Variants in CTDSPL observed in about 807,000 individuals in gnomAD.
CTDSPL encodes CTD small phosphatase like.
Under a neutral mutation model 30.5 loss-of-function variants are expected in CTDSPL, and 8 were observed. The ratio of observed to expected loss-of-function variants is 0.26; its 90% CI spans 0.15 to 0.47. The LOEUF (loss-of-function observed/expected upper bound fraction) is 0.47, where lower values mean the gene tolerates loss of function less well. Ranked by LOEUF, CTDSPL falls within the 20% of genes least tolerant of loss-of-function variation. The pLI is 0.99. For missense variants in CTDSPL, 248 were observed against 366.1 expected (o/e 0.68, Z 2.63); for synonymous variants, 110 against 137.9 (o/e 0.80, Z 1.42).
At chr3:37,979,864 T>C (rs1253348717) in intron 7 of CTDSPL, among the ~76,000 whole-genome samples, 1 of 152,248 alleles carries the variant, frequency 6.6e-6, no homozygotes, top group Non-Finnish European at 1.5e-5. Context: ...GGTTTAATTG[T>C]ATTTTAATTA....
chr3:37,888,303 T>G (rs758057867), intron 1 of CTDSPL, among the ~76,000 whole-genome samples: 5 of 152,330 alleles, frequency 3.3e-5, no homozygotes, highest in South Asian at 4.1e-4. Context: ...TGCATCAGTC[T>G]CTAAGGTGAC....
chr3:37,870,137 T>C (rs73056951), intron 1 of CTDSPL, among the ~76,000 whole-genome samples: 6,205 of 152,010 alleles, frequency 0.041, 171 homozygotes, highest in Middle Eastern at 0.058. Context: ...TTGTGTAGAA[T>C]TGGTGTGAAT....
chr3:37,969,842 C>T (rs1333572051), intron 5 of CTDSPL, among the ~76,000 whole-genome samples: 2 of 152,208 alleles, frequency 1.3e-5, no homozygotes, highest in East Asian at 1.9e-4. Context: ...ATGAATTTCC[C>T]ACTGAGTCCT....
At chr3:37,933,807 T>G (rs1698883596) in intron 1 of CTDSPL, among the ~76,000 whole-genome samples, 1 of 152,246 alleles carries the variant, frequency 6.6e-6, no homozygotes, top group Non-Finnish European at 1.5e-5. Flanking sequence ...TGGAGCTGCA[T>G]CCTTCTTTTT....
chr3:37,980,724 C>CCA lies in CTDSPL; in HGVS notation c.706-17_706-16dup. 1 of 1,614,090 alleles carries CCA rather than the reference C, an allele frequency of 6.2e-7. No individual in the cohort carries two copies. The highest frequency in any genetic ancestry group is 8.5e-7 in the Non-Finnish European group (1 of 1,179,972). On this transcript the variant is annotated splice_polypyrimidine_tract_variant and intron_variant, in intron 7 of 7. Coordinates refer to ENST00000273179, the MANE Select transcript of CTDSPL (RefSeq NM_001008392.2). ...GCTAGATGCAGTCCTGCTGCCTCCT[C>CCA]CATGCACTGTCTTCCAGGTGCCTGT...
chr3:37,886,846 A>T (rs1363551661), intron 1 of CTDSPL, among the ~76,000 whole-genome samples: 1 of 152,142 alleles, frequency 6.6e-6, no homozygotes, highest in Admixed American at 6.5e-5. Context: ...ATAGGGGGAA[A>T]CTCTGATGTG....
At chr3:37,965,540 T>C (rs914143421) in intron 4 of CTDSPL, among the ~76,000 whole-genome samples, 2 of 152,222 alleles carry the variant, frequency 1.3e-5, no homozygotes, top group Non-Finnish European at 2.9e-5. Context: ...GTAATGGGAC[T>C]GCTCTATCAT....
At chr3:37,915,273 G>T (rs376304584) in intron 1 of CTDSPL, among the ~76,000 whole-genome samples, 1 of 152,052 alleles carries the variant, frequency 6.6e-6, no homozygotes, top group Non-Finnish European at 1.5e-5. Context: ...AGTTTACTAT[G>T]ATTTGCTTAG....
intron 7 of CTDSPL, 139 bp downstream of exon 7, chr3:37,976,033 T>C: frequency 2.2e-6 from 2 of 890,304 alleles, no homozygotes; most frequent in Non-Finnish European, 3.3e-6. Context: ...CATTTAGCAG[T>C]TGCGTGTCAT....
chr3:37,890,795 C>A (rs1032797933), intron 1 of CTDSPL, among the ~76,000 whole-genome samples: 8 of 152,112 alleles, frequency 5.3e-5, no homozygotes, highest in African/African-American at 1.9e-4. Context: ...TACCAAGTTT[C>A]AGATGAGGTT....
chr3:37,945,506 G>C (rs939704183), intron 1 of CTDSPL, among the ~76,000 whole-genome samples: 1 of 152,222 alleles, frequency 6.6e-6, no homozygotes, highest in Admixed American at 6.5e-5. Flanking sequence ...GGACCTACAG[G>C]GTTGGCCCTT....
At chr3:37,918,994 T>C (rs1315295820) in intron 1 of CTDSPL, among the ~76,000 whole-genome samples, 2 of 152,124 alleles carry the variant, frequency 1.3e-5, no homozygotes, top group Non-Finnish European at 2.9e-5. Context: ...TTATATGTAA[T>C]ATAATAAATA....
chr3:37,896,280 A>G (rs913743299), intron 1 of CTDSPL, among the ~76,000 whole-genome samples: 40 of 152,150 alleles, frequency 2.6e-4, no homozygotes, highest in African/African-American at 9.4e-4. Context: ...ATAAGCGCAT[A>G]TTAGGTTTGA....
chr3:37,941,237 C>T (rs1356626990), intron 1 of CTDSPL, among the ~76,000 whole-genome samples: 1 of 149,912 alleles, frequency 6.7e-6, no homozygotes, highest in Non-Finnish European at 1.5e-5. Context: ...TCACAACCCT[C>T]TCCAGGGTTT....
rs192352149 is a variant in CTDSPL, at chr3:37,882,396, C to T, written c.79+20118C>T. ...GACAGAGCTTGCAGTGAGCTGAGAT[C>T]GCACCACTGCACTCCAGCCTGGGTG... On this transcript the variant is annotated intron_variant, in intron 1 of 7. Coordinates refer to ENST00000273179, the MANE Select transcript of CTDSPL (RefSeq NM_001008392.2). Among the ~76,000 whole-genome samples, 1,262 of 148,788 alleles carry T rather than the reference C, an allele frequency of 8.5e-3. 13 individuals carry two copies. The highest frequency in any genetic ancestry group is 0.012 in the Non-Finnish European group (833 of 67,496).
At chr3:37,980,011 A>G (rs557686462) in intron 7 of CTDSPL, among the ~76,000 whole-genome samples, 9 of 152,130 alleles carry the variant, frequency 5.9e-5, no homozygotes, top group Non-Finnish European at 1.3e-4. Flanking sequence ...TTTATTTTTC[A>G]AAGTTACGTA....
chr3:37,880,609 C>T (rs901260644), intron 1 of CTDSPL, among the ~76,000 whole-genome samples: 1 of 152,112 alleles, frequency 6.6e-6, no homozygotes, highest in South Asian at 2.1e-4. Flanking sequence ...TACTACGAAT[C>T]GTAGAAGTGA....
chr3:37,943,212 G>T lies in CTDSPL; in HGVS notation c.80-3845G>T, dbSNP rs1459850681. On this transcript the variant is annotated intron_variant, in intron 1 of 7. Transcript: ENST00000273179. ...TGGCCTGGCCCAAAGACACAGCTCA[G>T]TCAGACACACGTTCATTTGGGAGTT... Among the ~76,000 whole-genome samples, 4 of 150,296 alleles carry T rather than the reference G, an allele frequency of 2.7e-5. 1 individual carries two copies. Among genetic ancestry groups the T allele is most frequent in the Non-Finnish European group, 6.0e-5 (4 of 67,046 alleles).
intron 1 of CTDSPL, among the ~76,000 whole-genome samples, chr3:37,898,289 G>A (rs1251079536): frequency 6.6e-6 from 1 of 152,160 alleles, no homozygotes; most frequent in Admixed American, 6.5e-5. Flanking sequence ...CTTCGTGTTA[G>A]CTGGAAAATG....
Sources: gnomAD v4.1 joint callset for allele counts (sites outside exome capture counted in the v4.1 genomes callset) on GRCh38, gnomAD v4.1.1 for gene constraint, MANE v1.5 for transcripts, NCBI Gene and HGNC (gene_info 2026-07-23, HGNC 2026-07-21) for gene names.